Variants in KIRREL1 observed in about 807,000 individuals in gnomAD.
The protein encoded by KIRREL1 is kirre like nephrin family adhesion molecule 1.
Under a neutral mutation model 83.3 loss-of-function variants are expected in KIRREL1, and 25 were observed. The observed-to-expected ratio is 0.30, with a 90% CI of 0.22 to 0.42. KIRREL1 has a LOEUF of 0.42. Among genes scored for constraint, KIRREL1 ranks in the 10% least tolerant of loss-of-function variants. The probability of loss-of-function intolerance (pLI) is 1.00; values close to 1 mark genes in which losing one functional copy is unlikely to be tolerated. For missense variants in KIRREL1, 812 were observed against 1,032.3 expected (o/e 0.79, Z 2.92); for synonymous variants, 388 against 410.4 (o/e 0.95, Z 0.66).
rs1662301705 is a variant in KIRREL1 at position 158,094,620 on chromosome 1, A to G, written c.1798-24A>G. The G allele has an allele frequency of 6.5e-7, 1 of 1,540,614 alleles. No individual in the cohort carries two copies. Among genetic ancestry groups the G allele is most frequent in the Non-Finnish European group, 8.8e-7 (1 of 1,132,122 alleles). On this transcript the variant is annotated intron_variant, in intron 14 of 14. Transcript: ENST00000359209. This position sits in a 1 kb window ranked among gnomAD's most constrained non-coding sequence, Gnocchi z 4.6. ...CCACCCAAGAGGGAACACTGCCTCC[A>G]TCCTCTTCTCTCATTGCCCCCAGGA...
intron 1 of KIRREL1, among the ~76,000 whole-genome samples, chr1:158,025,895 C>T (rs776802458): frequency 1.3e-5 from 2 of 152,046 alleles, no homozygotes; most frequent in East Asian, 2.0e-4. Flanking sequence ...AAGAAATGCC[C>T]TCCCCCAGCA....
intron 1 of KIRREL1, among the ~76,000 whole-genome samples, chr1:158,010,283 C>T (rs1329776503): frequency 6.6e-6 from 1 of 151,176 alleles, no homozygotes; most frequent in Non-Finnish European, 1.5e-5. Context: ...ATCTTCAGAT[C>T]TGGTCTGAAC....
chr1:158,089,627 C>G lies in KIRREL1; in HGVS notation c.1170C>G (p.Asn390Lys). The G allele has an allele frequency of 1.2e-6, 2 of 1,613,290 alleles. No homozygotes were observed. Among genetic ancestry groups the G allele is most frequent in the Non-Finnish European group, 1.7e-6 (2 of 1,179,382 alleles). ...AGCGGGAGGTGCCGCTCTATGTGAACGGTGAGTGAGTGGCCTGAGAGGCAG... is the reference window on the plus strand; with the variant it reads ...AGCGGGAGGTGCCGCTCTATGTGAAGGGTGAGTGAGTGGCCTGAGAGGCAG... ...VAEREVPLYV[N>K]GPPIISSEAV... The change falls in exon 9 of 15, where the codon AAC (asparagine) becomes AAG (lysine). Residue 390 changes from asparagine (N) to lysine (K), a missense_variant and splice_region_variant. Coordinates refer to ENST00000359209, the MANE Select transcript of KIRREL1 (RefSeq NM_018240.7).
chr1:158,037,991 A>G (rs1476945173), intron 1 of KIRREL1, among the ~76,000 whole-genome samples: 1 of 152,180 alleles, frequency 6.6e-6, no homozygotes, highest in East Asian at 1.9e-4. Flanking sequence ...TGTCAGCTAG[A>G]CTCGGGGCAG....
At chr1:158,019,948 A>C (rs1423452379) in intron 1 of KIRREL1, among the ~76,000 whole-genome samples, 3 of 152,166 alleles carry the variant, frequency 2.0e-5, no homozygotes, top group Non-Finnish European at 4.4e-5. Context: ...TGAAGTCAAA[A>C]ATAGACTGCT....
At chr1:158,083,373 G>A (rs2101633367) in intron 3 of KIRREL1, among the ~76,000 whole-genome samples, 1 of 152,324 alleles carries the variant, frequency 6.6e-6, no homozygotes, top group African/African-American at 2.4e-5. Context: ...TGGTGGGGGT[G>A]GGCTACAGCA....
In KIRREL1 at chr1:158,088,166, G is replaced by A. The variant is rs1267700963; in HGVS notation, c.916+12G>A. 2 of 1,614,076 alleles carry A rather than the reference G, an allele frequency of 1.2e-6. No homozygotes were observed. The highest frequency in any genetic ancestry group is 1.1e-5 in the South Asian group (1 of 91,088). On this transcript the variant is annotated intron_variant, in intron 7 of 14. Transcript: ENST00000359209. ...AGTAAATGTCCACTGTGAGTAGCTG[G>A]GAGGGCAGGGACGGGGACAGAGAGC...
At chr1:158,093,808 G>A in intron 13 of KIRREL1, 46 bp downstream of exon 13, 1 of 1,607,766 alleles carries the variant, frequency 6.2e-7, no homozygotes, top group Non-Finnish European at 8.5e-7. Flanking sequence ...TCCACCCTCT[G>A]AGGACCAGCT....
chr1:158,064,711 G>A (rs994949736), intron 1 of KIRREL1, among the ~76,000 whole-genome samples: 1 of 152,066 alleles, frequency 6.6e-6, no homozygotes, highest in Non-Finnish European at 1.5e-5. Flanking sequence ...GCAGTGATGG[G>A]GTCTGGGGAC....
intron 3 of KIRREL1, among the ~76,000 whole-genome samples, chr1:158,080,761 C>T (rs1034366871): frequency 2.6e-5 from 4 of 152,104 alleles, no homozygotes; most frequent in Non-Finnish European, 4.4e-5. Context: ...GGCCCTTCTC[C>T]CTTCACTCTT....
intron 1 of KIRREL1, among the ~76,000 whole-genome samples, chr1:158,040,127 A>T (rs961300640): frequency 2.0e-5 from 3 of 152,230 alleles, no homozygotes; most frequent in Non-Finnish European, 2.9e-5. Context: ...GGGGCATAAC[A>T]TAATCCTCAG....
intron 1 of KIRREL1, among the ~76,000 whole-genome samples, chr1:158,035,352 C>G (rs940823576): frequency 2.0e-5 from 3 of 152,160 alleles, no homozygotes; most frequent in Non-Finnish European, 2.9e-5. Flanking sequence ...AGCCTGACAG[C>G]AAGGACTGCA....
intron 1 of KIRREL1, among the ~76,000 whole-genome samples, chr1:158,008,001 T>C (rs938135252): frequency 1.3e-5 from 2 of 152,116 alleles, no homozygotes; most frequent in African/African-American, 4.8e-5. Flanking sequence ...CACCTCAGGT[T>C]CTATCATCAA....
At chr1:158,045,274 G>C (rs1423594072) in intron 1 of KIRREL1, among the ~76,000 whole-genome samples, 1 of 152,166 alleles carries the variant, frequency 6.6e-6, no homozygotes, top group Non-Finnish European at 1.5e-5. Context: ...TGAGTTCTAG[G>C]GGCTGTGGGA....
chr1:158,055,897 C>A (rs1661044884), intron 1 of KIRREL1, among the ~76,000 whole-genome samples: 1 of 152,188 alleles, frequency 6.6e-6, no homozygotes. Flanking sequence ...GGGTTGTGGT[C>A]CCACATGGGG....
chr1:158,080,269 C>A (rs187943934), intron 3 of KIRREL1, among the ~76,000 whole-genome samples: 87 of 152,280 alleles, frequency 5.7e-4, no homozygotes, highest in Middle Eastern at 3.4e-3. Flanking sequence ...ACTCTTCTTT[C>A]TGCTACCTTA....
At chr1:158,076,357 C>A in intron 2 of KIRREL1, 95 bp downstream of exon 2, 1 of 1,094,292 alleles carries the variant, frequency 9.1e-7, no homozygotes, top group Non-Finnish European at 1.4e-6. Context: ...CCCTTAGTTC[C>A]CTCACCACCC....
At chr1:158,007,713 T>C (rs1006604463) in intron 1 of KIRREL1, among the ~76,000 whole-genome samples, 14 of 151,796 alleles carry the variant, frequency 9.2e-5, no homozygotes, top group Admixed American at 7.2e-4. Flanking sequence ...TGGGTTTGCT[T>C]GAGGATAGTG....
intron 3 of KIRREL1, 30 bp downstream of exon 3, chr1:158,078,170 G>C: frequency 3.7e-6 from 6 of 1,605,242 alleles, no homozygotes; most frequent in Non-Finnish European, 5.1e-6. Flanking sequence ...TCAGTACTTC[G>C]AGGCCCTGTC....
Sources: gnomAD v4.1 joint callset for allele counts (sites outside exome capture counted in the v4.1 genomes callset) on GRCh38, gnomAD v4.1.1 for gene constraint, Gnocchi (gnomAD v3.1) non-coding constraint, MANE v1.5 for transcripts, NCBI Gene and HGNC (gene_info 2026-07-23, HGNC 2026-07-21) for gene names.